GRID1: variants seen among roughly 807,000 people sequenced by gnomAD.
The protein encoded by GRID1 is glutamate ionotropic receptor delta type subunit 1.
A neutral mutation model predicts 98.0 loss-of-function variants in GRID1; 28 were observed. That is an observed-to-expected ratio of 0.29 (90% CI 0.21 to 0.39). The LOEUF is 0.39. Ranked by LOEUF, GRID1 falls within the 10% of genes least tolerant of loss-of-function variation. The pLI is 1.00. For missense variants in GRID1, 1,111 were observed against 1,340.5 expected, an observed-to-expected ratio of 0.83 and a Z score of 2.67; for synonymous variants, 553 against 538.5, an observed-to-expected ratio of 1.03 and a Z score of -0.37.
At chr10:85,846,244 A>G (rs1843003890) in intron 8 of GRID1, among the ~76,000 whole-genome samples, 1 of 152,248 alleles carries the variant, frequency 6.6e-6, no homozygotes, top group Non-Finnish European at 1.5e-5. Flanking sequence ...TAAAATAGCA[A>G]TAAAATTGGC....
intron 2 of GRID1, among the ~76,000 whole-genome samples, chr10:86,262,359 G>A (rs1170250373): frequency 6.6e-6 from 1 of 152,194 alleles, no homozygotes; most frequent in East Asian, 1.9e-4. Context: ...GCACTGGCCA[G>A]ACCTTGGGCA....
intron 4 of GRID1, among the ~76,000 whole-genome samples, chr10:85,918,134 C>G (rs1437245324): frequency 6.6e-6 from 1 of 152,096 alleles, no homozygotes; most frequent in Non-Finnish European, 1.5e-5. Context: ...ACTGGCAATA[C>G]TCTTATCAAA....
intron 2 of GRID1, among the ~76,000 whole-genome samples, chr10:86,246,454 A>T (rs1275343492): frequency 2.0e-5 from 3 of 151,896 alleles, no homozygotes; most frequent in Non-Finnish European, 4.4e-5. Flanking sequence ...CCTGACAGTG[A>T]CTCCAGCTGG....
intron 5 of GRID1, among the ~76,000 whole-genome samples, chr10:85,877,869 TC>T (rs1840923406): frequency 6.6e-6 from 1 of 151,948 alleles, no homozygotes; most frequent in East Asian, 1.9e-4. Flanking sequence ...GTTAGAAACT[TC>T]AAAAAAAATT....
intron 8 of GRID1, among the ~76,000 whole-genome samples, chr10:85,775,129 T>C (rs1842316523): frequency 6.6e-6 from 1 of 152,178 alleles, no homozygotes; most frequent in South Asian, 2.1e-4. Context: ...ATATACACCA[T>C]GGAATACTAT....
chr10:85,843,382 G>T (rs1335443359), intron 8 of GRID1, among the ~76,000 whole-genome samples: 1 of 151,942 alleles, frequency 6.6e-6, no homozygotes, highest in East Asian at 1.9e-4. Flanking sequence ...GATAGGCAAA[G>T]AATTCTTAGA....
intron 13 of GRID1, among the ~76,000 whole-genome samples, chr10:85,630,811 T>C (rs922944448): frequency 1.3e-5 from 2 of 152,224 alleles, no homozygotes; most frequent in African/African-American, 4.8e-5. Context: ...TATGTTTTAA[T>C]AACCTTTACA....
At chr10:86,163,016 TTAGGGTA>T (rs1237858946) in intron 3 of GRID1, among the ~76,000 whole-genome samples, 1 of 152,110 alleles carries the variant, frequency 6.6e-6, no homozygotes, top group African/African-American at 2.4e-5. Flanking sequence ...AAGTAGCACA[TTAGGGTA>T]TAAGAACCTG....
At chr10:86,313,955 C>T (rs951278041) in intron 2 of GRID1, among the ~76,000 whole-genome samples, 1 of 152,246 alleles carries the variant, frequency 6.6e-6, no homozygotes, top group South Asian at 2.1e-4. Context: ...TAATTCCCTC[C>T]TTTCAAGCTG....
intron 15 of GRID1, among the ~76,000 whole-genome samples, chr10:85,608,688 A>G (rs139553916): frequency 1.3e-5 from 2 of 152,342 alleles, no homozygotes; most frequent in East Asian, 3.9e-4. Flanking sequence ...GATCTGAAGC[A>G]GAGACAGGCA....
rs1008136280 is a variant in GRID1 at position 86,057,126 on chromosome 10, T to C, written c.726+81693A>G. Among the ~76,000 whole-genome samples the C allele has an allele frequency of 2.0e-5, 3 of 152,208 alleles. No individual in the cohort carries two copies. In the South Asian group the frequency reaches 6.2e-4, roughly 32 times the overall value. ...GAGTGGAGAGGACTCTACAGAGGTT[T>C]CTACAGGGTTGTGAGCCCACAGAGA... On this transcript the variant is annotated intron_variant, in intron 4 of 15. Coordinates refer to ENST00000327946, the MANE Select transcript of GRID1 (RefSeq NM_017551.3).
chr10:86,160,764 A>G (rs1050292263), intron 3 of GRID1, among the ~76,000 whole-genome samples: 44 of 152,224 alleles, frequency 2.9e-4, no homozygotes, highest in African/African-American at 1.1e-3. Flanking sequence ...ATTTTTACAG[A>G]TCAGTAGCCT....
intron 4 of GRID1, among the ~76,000 whole-genome samples, chr10:86,055,460 A>T (rs964430069): frequency 7.2e-5 from 11 of 152,156 alleles, no homozygotes; most frequent in African/African-American, 2.7e-4. Context: ...TGATGGGATT[A>T]GTGCTCTTTT....
intron 8 of GRID1, among the ~76,000 whole-genome samples, chr10:85,753,054 C>T (rs1008094293): frequency 6.6e-6 from 1 of 152,148 alleles, no homozygotes; most frequent in Non-Finnish European, 1.5e-5. Context: ...ATCCACAGAT[C>T]GGTGCCAGCC....
intron 5 of GRID1, among the ~76,000 whole-genome samples, chr10:85,902,361 C>T (rs767615288): frequency 4.6e-5 from 7 of 152,062 alleles, no homozygotes; most frequent in South Asian, 2.1e-4. Flanking sequence ...GAAGAGCATG[C>T]GATTGAAAAA....
At chr10:85,823,137 T>G (rs968268755) in intron 8 of GRID1, among the ~76,000 whole-genome samples, 1 of 152,068 alleles carries the variant, frequency 6.6e-6, no homozygotes, top group Admixed American at 6.5e-5. Context: ...TGTATACATA[T>G]GTAACAAATC....
intron 12 of GRID1, among the ~76,000 whole-genome samples, chr10:85,722,269 G>T (rs918219521): frequency 6.6e-6 from 1 of 152,114 alleles, no homozygotes; most frequent in African/African-American, 2.4e-5. Flanking sequence ...ACCATAATCA[G>T]CGATCAAGTT....
Position 86,184,461 on chromosome 10 carries a change from C to CTTTTTTTTTTTT in GRID1, c.520+21891_520+21902dup, listed in dbSNP as rs1198471392. ...GGTGATTGTAGTATATTTCTTTTTT[C>CTTTTTTTTTTTT]TTTTTTTTTTTTTTTTTGCATACAG... On this transcript the variant is annotated intron_variant, in intron 3 of 15. Coordinates refer to ENST00000327946, the MANE Select transcript of GRID1 (RefSeq NM_017551.3). Among the ~76,000 whole-genome samples, 244 of 122,966 alleles carry CTTTTTTTTTTTT rather than the reference C, an allele frequency of 2.0e-3. 1 individual carries two copies. The highest frequency in any genetic ancestry group is 3.0e-3 in the Non-Finnish European group (177 of 59,302). The allele number at this position is 122,966 out of a possible 152,430, so 80.7% of individuals were successfully genotyped here. A position where few individuals can be genotyped will look rare whatever the true frequency, so the allele number is the denominator to read the frequency against.
In GRID1 at chr10:86,276,560, TG is replaced by T. The variant is rs1322506754; in HGVS notation, c.236-69913del. ...CTTTGTCACCCAGGCTGGAGCGCAGTGGCACAATCTTAGCTCACTGCAACCT... is the reference window on the plus strand; with the variant it reads ...CTTTGTCACCCAGGCTGGAGCGCAGTGCACAATCTTAGCTCACTGCAACCT... On this transcript the variant is annotated intron_variant, in intron 2 of 15. Transcript: ENST00000327946. Among the ~76,000 whole-genome samples, 18 of 151,856 alleles carry T rather than the reference TG, an allele frequency of 1.2e-4. No individual in the cohort carries two copies. The East Asian group carries it at 3.5e-3, about 29-fold the overall frequency.
Sources: gnomAD v4.1 joint callset for allele counts (sites outside exome capture counted in the v4.1 genomes callset) on GRCh38, gnomAD v4.1.1 for gene constraint, MANE v1.5 for transcripts, NCBI Gene and HGNC (gene_info 2026-07-23, HGNC 2026-07-21) for gene names.